CAB39L: variants seen among roughly 807,000 people sequenced by gnomAD.
CAB39L encodes calcium binding protein 39 like.
CAB39L carries 23 observed loss-of-function variants against 39.1 expected under a neutral mutation model. The observed-to-expected ratio is 0.59, with a 90% CI of 0.42 to 0.83. The LOEUF (loss-of-function observed/expected upper bound fraction) is 0.83, where lower values mean the gene tolerates loss of function less well. Ranked by LOEUF, CAB39L falls within the 40% of genes least tolerant of loss-of-function variation. The pLI, the probability that CAB39L is intolerant of heterozygous loss-of-function variation, is 0.00. For synonymous variants in CAB39L, 126 were observed against 137.2 expected, an observed-to-expected ratio of 0.92 and a Z score of 0.57; for missense variants, 366 against 391.9, an observed-to-expected ratio of 0.93 and a Z score of 0.56.
chr13:49,423,012 G>A (rs749361144), intron 3 of CAB39L, among the ~76,000 whole-genome samples: 51 of 152,124 alleles, frequency 3.4e-4, no homozygotes, highest in Non-Finnish European at 5.9e-4. Context: ...CAAGTTATAC[G>A]TAAAAACTAG....
intron 3 of CAB39L, among the ~76,000 whole-genome samples, chr13:49,405,719 G>GGAAGGAAGGAAGGAAGGAAGGAAGGA (rs1555264155): frequency 3.2e-5 from 3 of 94,988 alleles, no homozygotes; most frequent in African/African-American, 7.6e-5. Context: ...GAAAGAGAGA[G>GGAAGGAAGGAAGGAAGGAAGGAAGGA]AGGAAGGAAG....
At chr13:49,378,382 T>G (rs1169036743) in intron 4 of CAB39L, among the ~76,000 whole-genome samples, 1 of 47,150 alleles carries the variant, frequency 2.1e-5, no homozygotes, top group East Asian at 4.4e-4. Context: ...GCCCCCCACC[T>G]GGCCAGCCGT....
intron 9 of CAB39L, among the ~76,000 whole-genome samples, chr13:49,338,501 TG>T (rs1476161361): frequency 1.4e-5 from 1 of 72,500 alleles, no homozygotes; most frequent in Non-Finnish European, 2.7e-5. Context: ...GGGACTGTTG[TG>T]GGGTGGGGGG....
intron 5 of CAB39L, among the ~76,000 whole-genome samples, chr13:49,372,121 G>A (rs996576745): frequency 5.3e-5 from 8 of 152,202 alleles, no homozygotes; most frequent in African/African-American, 1.4e-4. Context: ...AAACATCAAA[G>A]AGTCTAAAGC....
chr13:49,341,122 T>C (rs77983504), intron 8 of CAB39L, among the ~76,000 whole-genome samples: 1,618 of 152,358 alleles, frequency 0.011, 33 homozygotes, highest in African/African-American at 0.037. Flanking sequence ...CTTTTAAAAA[T>C]TTTATTTCTT....
intron 10 of CAB39L, among the ~76,000 whole-genome samples, chr13:49,325,364 A>G (rs1954468309): frequency 6.6e-6 from 1 of 152,268 alleles, no homozygotes; most frequent in Admixed American, 6.5e-5. Flanking sequence ...ATGCTGTTAC[A>G]ATTTTAGGGG....
chr13:49,332,008 A>AT lies in CAB39L; in HGVS notation c.772dup (p.Met258AsnfsTer8). 6.2e-7 allele frequency: 1 copy of AT among 1,614,176 alleles called. No individual in the cohort carries two copies. Among genetic ancestry groups the AT allele is most frequent in the Non-Finnish European group, 8.5e-7 (1 of 1,180,010 alleles). ...ACTTTTATCCCGAAGGAGGTTCATC[A>AT]TGAGTTTCAGGTTCTCCGGCTTGCT... On this transcript the variant is annotated frameshift_variant, in exon 10 of 11. Coordinates refer to ENST00000409308, the MANE Select transcript of CAB39L (RefSeq NM_001079670.3). LOFTEE classifies it high-confidence loss of function.
At chr13:49,433,807 G>A (rs1957365095) in intron 2 of CAB39L, among the ~76,000 whole-genome samples, 1 of 152,176 alleles carries the variant, frequency 6.6e-6, no homozygotes, top group Non-Finnish European at 1.5e-5. Flanking sequence ...CCCCTTAGAT[G>A]TTCAGTAAAA....
Position 49,385,104 on chromosome 13 carries a change from C to A in CAB39L, c.-31-2163G>T, listed in dbSNP as rs574412224. Among the ~76,000 whole-genome samples, 4 of 152,348 alleles carry A rather than the reference C, an allele frequency of 2.6e-5. No individual in the cohort carries two copies. The East Asian group carries it at 7.7e-4, about 29-fold the overall frequency. ...TTCCAATACGAGGGTGTTCCATCTACACTGAAAATCTGTTGTTTTGTGTGG... is the reference window on the plus strand; with the variant it reads ...TTCCAATACGAGGGTGTTCCATCTAAACTGAAAATCTGTTGTTTTGTGTGG... On this transcript the variant is annotated intron_variant, in intron 3 of 10. Coordinates refer to ENST00000409308, the MANE Select transcript of CAB39L (RefSeq NM_001079670.3).
intron 7 of CAB39L, among the ~76,000 whole-genome samples, chr13:49,344,811 G>A (rs1431724486): frequency 2.0e-5 from 3 of 152,074 alleles, no homozygotes; most frequent in Non-Finnish European, 2.9e-5. Flanking sequence ...TAAAATGGGC[G>A]CCTCGGATAC....
chr13:49,349,520 A>AT (rs1173029883), intron 7 of CAB39L, among the ~76,000 whole-genome samples: 3 of 150,426 alleles, frequency 2.0e-5, no homozygotes, highest in Admixed American at 2.0e-4. Context: ...CTGAAAACCT[A>AT]TTTTTTTCAA....
At chr13:49,432,317 G>A (rs530402199) in intron 3 of CAB39L, among the ~76,000 whole-genome samples, 1 of 152,050 alleles carries the variant, frequency 6.6e-6, no homozygotes, top group South Asian at 2.1e-4. Context: ...TCTATTTATT[G>A]TAGAGACAGG....
intron 3 of CAB39L, among the ~76,000 whole-genome samples, chr13:49,397,727 T>C (rs988905392): frequency 1.3e-5 from 2 of 152,140 alleles, no homozygotes; most frequent in African/African-American, 4.8e-5. Context: ...TAATTGTCAA[T>C]GATTGAAAAT....
chr13:49,441,264 A>G (rs9596107), intron 1 of CAB39L, among the ~76,000 whole-genome samples: 6,043 of 138,156 alleles, frequency 0.044, 209 homozygotes, highest in South Asian at 0.11. Context: ...CCATATATTT[A>G]TATAACTATA....
chr13:49,366,077 C>T (rs923118954), intron 5 of CAB39L, among the ~76,000 whole-genome samples: 1 of 152,122 alleles, frequency 6.6e-6, no homozygotes, highest in African/African-American at 2.4e-5. Flanking sequence ...CAGATGTTCT[C>T]AGTTATTTGT....
At chr13:49,323,581 C>T (rs141063857) in intron 10 of CAB39L, among the ~76,000 whole-genome samples, 9 of 151,470 alleles carry the variant, frequency 5.9e-5, no homozygotes, top group South Asian at 2.1e-4. Context: ...CAGGGGAAGC[C>T]GCCTGCACAA....
chr13:49,341,906 T>C (rs1955019689), intron 8 of CAB39L, among the ~76,000 whole-genome samples: 1 of 152,212 alleles, frequency 6.6e-6, no homozygotes, highest in Admixed American at 6.5e-5. Context: ...CATTTTACAC[T>C]TAAAACAAAT....
chr13:49,333,568 C>CTT (rs796079933), intron 9 of CAB39L, among the ~76,000 whole-genome samples: 70 of 111,864 alleles, frequency 6.3e-4, no homozygotes, highest in South Asian at 1.2e-3. Flanking sequence ...TTCTTTCTTT[C>CTT]TTTTTTTTTT....
chr13:49,317,494 C>T (rs1954192863), intron 10 of CAB39L, among the ~76,000 whole-genome samples: 2 of 152,270 alleles, frequency 1.3e-5, no homozygotes, highest in East Asian at 3.9e-4. Flanking sequence ...GGTGCCACCA[C>T]ACTCCCACCT....
Sources: allele counts gnomAD v4.1 joint callset (sites outside exome capture counted in the v4.1 genomes callset), GRCh38; gene constraint gnomAD v4.1.1; transcripts MANE v1.5; gene names NCBI Gene and HGNC (gene_info 2026-07-23, HGNC 2026-07-21).